CATSPERB: variants seen among roughly 807,000 people sequenced by gnomAD.
CATSPERB encodes catsper channel auxiliary subunit beta.
Under a neutral mutation model 128.3 loss-of-function variants are expected in CATSPERB, and 93 were observed. That is an observed-to-expected ratio of 0.72 (90% confidence interval 0.61 to 0.86). CATSPERB has a LOEUF of 0.86. Ranked by LOEUF, CATSPERB falls within the 40% of genes least tolerant of loss-of-function variation. The pLI, the probability that CATSPERB is intolerant of heterozygous loss-of-function variation, is 0.00. For synonymous variants in CATSPERB, 381 were observed against 448.8 expected, an observed-to-expected ratio of 0.85 and a Z score of 1.91; for missense variants, 1,153 against 1,329.5, an observed-to-expected ratio of 0.87 and a Z score of 2.06.
At chr14:91,591,557 A>G (rs1893402314) in intron 23 of CATSPERB, among the ~76,000 whole-genome samples, 1 of 151,624 alleles carries the variant, frequency 6.6e-6, no homozygotes, top group Non-Finnish European at 1.5e-5. Flanking sequence ...TAAATGAATC[A>G]ATATTTACCA....
intron 15 of CATSPERB, among the ~76,000 whole-genome samples, chr14:91,644,558 T>C (rs113426710): frequency 1.9e-5 from 2 of 103,124 alleles, no homozygotes; most frequent in South Asian, 4.9e-4. Flanking sequence ...TTCTGGCTTG[T>C]AGGGTTTCTG....
At chr14:91,662,961 G>A (rs2139823383) in intron 14 of CATSPERB, among the ~76,000 whole-genome samples, 1 of 152,164 alleles carries the variant, frequency 6.6e-6, no homozygotes, top group Non-Finnish European at 1.5e-5. Context: ...TAAATGTATT[G>A]TAAATATCAT....
At chr14:91,678,818 G>T (rs190823691) in intron 11 of CATSPERB, among the ~76,000 whole-genome samples, 90 of 152,138 alleles carry the variant, frequency 5.9e-4, no homozygotes, top group African/African-American at 2.1e-3. Flanking sequence ...GATTTTTTTT[G>T]ATAAATAAGA....
chr14:91,587,081 C>T (rs1441776085), intron 26 of CATSPERB, 121 bp downstream of exon 26: 1 of 711,664 alleles, frequency 1.4e-6, no homozygotes, highest in Non-Finnish European at 2.3e-6. Flanking sequence ...GATCCCCTGT[C>T]TTTAAGCCTT....
intron 9 of CATSPERB, among the ~76,000 whole-genome samples, chr14:91,692,767 C>A (rs529100872): frequency 2.5e-4 from 38 of 152,314 alleles, no homozygotes; most frequent in Non-Finnish European, 4.9e-4. Context: ...TTACTTTTCA[C>A]TTATGTTACT....
chr14:91,587,955 A>G (rs1802845639), intron 25 of CATSPERB, 23 bp downstream of exon 25: 1 of 1,481,436 alleles, frequency 6.8e-7, no homozygotes, highest in Admixed American at 1.7e-5. Context: ...TCAACACAGT[A>G]AAAACAACAA....
intron 25 of CATSPERB, 149 bp downstream of exon 25, chr14:91,587,829 C>A: frequency 1.7e-6 from 1 of 589,076 alleles, no homozygotes; most frequent in Non-Finnish European, 2.9e-6. Flanking sequence ...AAAAATAAAC[C>A]CTCTTCATAT....
chr14:91,661,689 T>C (rs1408133620), intron 14 of CATSPERB, among the ~76,000 whole-genome samples: 1 of 151,924 alleles, frequency 6.6e-6, no homozygotes, highest in East Asian at 1.9e-4. Context: ...TAAGCCACCA[T>C]GCCCGGCTAA....
intron 3 of CATSPERB, among the ~76,000 whole-genome samples, chr14:91,724,270 T>C (rs1037941099): frequency 2.6e-5 from 4 of 152,166 alleles, no homozygotes; most frequent in African/African-American, 9.7e-5. Context: ...AGACCATAAA[T>C]GGCAGAACCA....
At chr14:91,664,621 A>G (rs1194285645) in intron 14 of CATSPERB, among the ~76,000 whole-genome samples, 1 of 152,050 alleles carries the variant, frequency 6.6e-6, no homozygotes, top group African/African-American at 2.4e-5. Context: ...GGATATACCA[A>G]GTTTATTTGT....
intron 26 of CATSPERB, 21 bp from the exon 27 acceptor site, chr14:91,581,128 T>C: frequency 6.3e-7 from 1 of 1,589,552 alleles, no homozygotes; most frequent in African/African-American, 1.3e-5. Context: ...AAAAGCAAAG[T>C]CTTTAAGCTT....
rs1483321148 is a variant in CATSPERB, at chr14:91,581,017, C to G, written c.3223G>C (p.Ala1075Pro). 4 of 1,614,186 alleles carry G rather than the reference C, an allele frequency of 2.5e-6. No homozygotes were observed. The South Asian group carries it at 4.4e-5, about 18-fold the overall frequency. Residue 1075 changes from alanine (A) to proline (P), a missense_variant, in exon 27 of 27, where the codon GCA becomes CCA. Coordinates refer to ENST00000256343, the MANE Select transcript of CATSPERB (RefSeq NM_024764.4). Reference protein sequence around the residue: ...AVVLGGLIFIAFMFQLQGIHP... With the variant: ...AVVLGGLIFIPFMFQLQGIHP... ...ATGCCTTGCAGTTGAAACATAAATG[C>G]TATAAAAATTAATCCCCCTAGCACT... is the stretch of plus-strand genomic sequence containing the variant.
chr14:91,610,484 A>G lies in CATSPERB; in HGVS notation c.2594T>C (p.Leu865Ser). ...DSQGFNLIKT[L>S]PINYRPPSNM... ...TACTTAGATTTTTTTTTTTACCGGC[A>G]AAGTTTTGATGAGGTTAAAACCCTG... is the stretch of plus-strand genomic sequence containing the variant. Residue 865 changes from leucine to serine, a missense_variant, in exon 21 of 27, where the codon TTG becomes TCG. Leu to Ser is a moderately radical substitution (Grantham distance 145). Coordinates refer to ENST00000256343, the MANE Select transcript of CATSPERB (RefSeq NM_024764.4). The G allele has an allele frequency of 1.2e-6, 2 of 1,606,190 alleles. No homozygotes were observed. Among genetic ancestry groups the G allele is most frequent in the East Asian group, 2.2e-5 (1 of 44,838 alleles).
intron 20 of CATSPERB, among the ~76,000 whole-genome samples, chr14:91,610,958 T>C (rs1291371299): frequency 9.2e-5 from 14 of 151,986 alleles, no homozygotes; most frequent in Non-Finnish European, 1.5e-4. Flanking sequence ...AAGATGGCCA[T>C]ACACAAGCCA....
chr14:91,718,172 A>T (rs1895973155), intron 5 of CATSPERB, among the ~76,000 whole-genome samples: 1 of 152,222 alleles, frequency 6.6e-6, no homozygotes, highest in Non-Finnish European at 1.5e-5. Context: ...TATTAATAAG[A>T]GTTAGGCTAC....
At chr14:91,597,182 G>T (rs61991989) in intron 22 of CATSPERB, among the ~76,000 whole-genome samples, 4 of 151,834 alleles carry the variant, frequency 2.6e-5, no homozygotes, top group Non-Finnish European at 4.4e-5. Flanking sequence ...GAACCACAGC[G>T]CCTGGCCAAA....
At chr14:91,659,102 T>G (rs577066185) in intron 15 of CATSPERB, among the ~76,000 whole-genome samples, 1 of 152,284 alleles carries the variant, frequency 6.6e-6, no homozygotes, top group South Asian at 2.1e-4. Flanking sequence ...TAGTGTTCTA[T>G]ACCACTGGAG....
chr14:91,653,996 G>A lies in CATSPERB; in HGVS notation c.1432+5841C>T, dbSNP rs542235770. On this transcript the variant is annotated intron_variant, in intron 15 of 26. Coordinates refer to ENST00000256343, the MANE Select transcript of CATSPERB (RefSeq NM_024764.4). ...CTATGTTAGAGCAAATAGAAGATCT[G>A]ACCAGTGCTGCACCTTTAATGATGA... 1.1e-4 allele frequency among the ~76,000 whole-genome samples: 17 copies of A among 152,222 alleles called. No individual in the cohort carries two copies. The East Asian group carries it at 2.9e-3, about 26-fold the overall frequency.
intron 17 of CATSPERB, among the ~76,000 whole-genome samples, chr14:91,627,103 C>A (rs997963431): frequency 1.6e-4 from 25 of 152,052 alleles, no homozygotes; most frequent in Non-Finnish European, 8.8e-5. Context: ...AATTTTTAAC[C>A]AATTAGTAAA....
Sources: allele counts gnomAD v4.1 joint callset (sites outside exome capture counted in the v4.1 genomes callset), GRCh38; gene constraint gnomAD v4.1.1; transcripts MANE v1.5; gene names NCBI Gene and HGNC (gene_info 2026-07-23, HGNC 2026-07-21).